Variants in OLA1 observed in about 807,000 individuals in gnomAD.
OLA1 encodes Obg like ATPase 1.
OLA1 carries 14 observed loss-of-function variants against 48.4 expected under a neutral mutation model. The ratio of observed to expected loss-of-function variants is 0.29; its 90% confidence interval spans 0.19 to 0.45. OLA1 has a LOEUF of 0.45. OLA1 is among the 20% of genes least tolerant of loss of function. The pLI, the probability that OLA1 is intolerant of heterozygous loss-of-function variation, is 1.00. For synonymous variants in OLA1, 127 were observed against 150.4 expected (o/e 0.84, Z 1.14); for missense variants, 325 against 467.1 (o/e 0.70, Z 2.80).
intron 5 of OLA1, among the ~76,000 whole-genome samples, chr2:174,129,554 T>C (rs572352059): frequency 1.2e-4 from 18 of 151,266 alleles, no homozygotes; most frequent in African/African-American, 4.1e-4. Flanking sequence ...TGAAACTATA[T>C]ATAATATATA....
chr2:174,205,844 C>T (rs192715936), intron 4 of OLA1, among the ~76,000 whole-genome samples: 470 of 152,192 alleles, frequency 3.1e-3, no homozygotes, highest in African/African-American at 0.011. Context: ...CTGACATCGC[C>T]AATGTAGAGA....
Position 174,073,819 on chromosome 2 carries a change from T to C in OLA1, c.*1607A>G, listed in dbSNP as rs1473818736. ...CATTACTCCAATACAGAAATAGATA[T>C]AACAAGGATTTTTCACAGCAAACTT... On this transcript the variant is annotated 3_prime_UTR_variant, in exon 11 of 11. Coordinates refer to ENST00000284719, the MANE Select transcript of OLA1 (RefSeq NM_013341.5). The C allele has an allele frequency of 6.6e-6, 1 of 152,228 alleles. No homozygotes were observed. Among genetic ancestry groups the C allele is most frequent in the Non-Finnish European group, 1.5e-5 (1 of 68,034 alleles). The allele number at this position is 152,228 out of a possible 1,614,324, so 9.4% of individuals were successfully genotyped here.
intron 4 of OLA1, among the ~76,000 whole-genome samples, chr2:174,207,135 G>C (rs2105437587): frequency 6.6e-6 from 1 of 152,286 alleles, no homozygotes; most frequent in East Asian, 1.9e-4. Flanking sequence ...TAAGTTGGGG[G>C]GGAGCAATTA....
intron 4 of OLA1, among the ~76,000 whole-genome samples, chr2:174,209,218 C>G (rs1437639493): frequency 6.6e-6 from 1 of 152,172 alleles, no homozygotes; most frequent in Non-Finnish European, 1.5e-5. Flanking sequence ...GAAACACTTA[C>G]GAAGCTATAC....
intron 4 of OLA1, among the ~76,000 whole-genome samples, chr2:174,171,377 A>T (rs1687298861): frequency 6.6e-6 from 1 of 152,242 alleles, no homozygotes; most frequent in African/African-American, 2.4e-5. Context: ...TAGCCAAAAG[A>T]CAAGTTTCAA....
intron 5 of OLA1, among the ~76,000 whole-genome samples, chr2:174,134,887 C>T (rs922443413): frequency 3.3e-5 from 5 of 152,126 alleles, no homozygotes; most frequent in Non-Finnish European, 5.9e-5. Flanking sequence ...TGGGGCCGGG[C>T]GTGGTGGCTC....
intron 10 of OLA1, among the ~76,000 whole-genome samples, chr2:174,077,054 A>G (rs1684755869): frequency 6.6e-6 from 1 of 152,086 alleles, no homozygotes; most frequent in African/African-American, 2.4e-5. Flanking sequence ...AGACCATTTA[A>G]TCCATTTCCA....
chr2:174,157,442 T>C (rs1686914075), intron 4 of OLA1, among the ~76,000 whole-genome samples: 3 of 152,200 alleles, frequency 2.0e-5, no homozygotes, highest in South Asian at 2.1e-4. Context: ...GTTATGTAGA[T>C]GCCATTTAAA....
chr2:174,225,660 C>G (rs116697762), intron 3 of OLA1, among the ~76,000 whole-genome samples: 1 of 152,114 alleles, frequency 6.6e-6, no homozygotes, highest in Admixed American at 6.5e-5. Context: ...TATAAATTAC[C>G]CAGCCTCAGG....
At chr2:174,096,755 C>T (rs537176749) in intron 7 of OLA1, among the ~76,000 whole-genome samples, 228 of 152,226 alleles carry the variant, frequency 1.5e-3, no homozygotes, top group Non-Finnish European at 2.7e-3. Context: ...ACACAGTAGC[C>T]CCCAATTTTA....
At chr2:174,120,756 C>T (rs966201156) in intron 7 of OLA1, among the ~76,000 whole-genome samples, 1 of 152,158 alleles carries the variant, frequency 6.6e-6, no homozygotes, top group Non-Finnish European at 1.5e-5. Context: ...ACTTCAGTAA[C>T]TAAAGTGTTC....
Position 174,096,140 on chromosome 2 carries a change from A to G in OLA1, c.729-14076T>C, listed in dbSNP as rs750375940. Among the ~76,000 whole-genome samples, 156 of 152,324 alleles carry G rather than the reference A, an allele frequency of 1.0e-3. 1 individual carries two copies. The highest frequency in any genetic ancestry group is 2.0e-3 in the Non-Finnish European group (137 of 68,020). ...ATGAGGTACTGATACACACTACAAC[A>G]TGGGTGAACGTTGAAAACACTATGC... On this transcript the variant is annotated intron_variant, in intron 7 of 10. Transcript: ENST00000284719.
chr2:174,158,016 G>A (rs1327924886), intron 4 of OLA1, among the ~76,000 whole-genome samples: 2 of 152,158 alleles, frequency 1.3e-5, no homozygotes, highest in Non-Finnish European at 2.9e-5. Context: ...ACTGTGTAAG[G>A]GAGGCCACTG....
At chr2:174,232,209 T>C (rs987745439) in intron 2 of OLA1, among the ~76,000 whole-genome samples, 11 of 152,364 alleles carry the variant, frequency 7.2e-5, no homozygotes, top group Non-Finnish European at 1.6e-4. Context: ...TCAATCTGAC[T>C]GAATAGATGT....
chr2:174,075,458 A>C lies in OLA1; in HGVS notation c.1159T>G (p.Phe387Val). 6.2e-7 allele frequency: 1 copy of C among 1,607,944 alleles called. No individual in the cohort carries two copies. The highest frequency in any genetic ancestry group is 8.5e-7 in the Non-Finnish European group (1 of 1,175,094). The change falls in exon 11 of 11, where the codon TTT becomes GTT. Residue 387 changes from phenylalanine to valine, a missense_variant. Phe to Val is a conservative substitution (Grantham distance 50). Transcript: ENST00000284719. Reference protein sequence around the residue: ...VEDGDIIFFKFNTPQQPKKK With the variant: ...VEDGDIIFFKVNTPQQPKKK Reference sequence around the variant, plus strand: ...TTCTTCGGTTGTTGAGGTGTGTTAAATTTGAAGAAGATAATATCTCCATCT... The same window carrying C: ...TTCTTCGGTTGTTGAGGTGTGTTAACTTTGAAGAAGATAATATCTCCATCT...
At chr2:174,201,828 A>G (rs922562705) in intron 4 of OLA1, among the ~76,000 whole-genome samples, 2 of 152,244 alleles carry the variant, frequency 1.3e-5, no homozygotes, top group African/African-American at 4.8e-5. Flanking sequence ...AACGCTGGGT[A>G]AAACAGCTCC....
At chr2:174,228,490 A>C (rs1688660921) in intron 3 of OLA1, among the ~76,000 whole-genome samples, 1 of 152,156 alleles carries the variant, frequency 6.6e-6, no homozygotes, top group Non-Finnish European at 1.5e-5. Context: ...AAGGTAGAGG[A>C]AGTAGAGGTG....
chr2:174,212,458 C>G (rs1574554739), intron 4 of OLA1, among the ~76,000 whole-genome samples: 2 of 152,156 alleles, frequency 1.3e-5, no homozygotes, highest in Admixed American at 6.5e-5. Context: ...TTGACATAGA[C>G]AAGTGTAGAC....
At chr2:174,083,585 G>T (rs1273034120) in intron 7 of OLA1, among the ~76,000 whole-genome samples, 1 of 151,822 alleles carries the variant, frequency 6.6e-6, no homozygotes, top group East Asian at 1.9e-4. Context: ...AGAAGGACAG[G>T]TTAAAAAAAA....
Sources: gnomAD v4.1 joint callset for allele counts (sites outside exome capture counted in the v4.1 genomes callset) on GRCh38, gnomAD v4.1.1 for gene constraint, MANE v1.5 for transcripts, NCBI Gene and HGNC (gene_info 2026-07-23, HGNC 2026-07-21) for gene names.